RANBP17: variants seen among roughly 807,000 people sequenced by gnomAD.
RANBP17 encodes the protein RAN binding protein 17.
RANBP17 carries 158 observed loss-of-function variants against 141.2 expected under a neutral mutation model. The ratio of observed to expected loss-of-function variants is 1.12; its 90% CI spans 0.98 to 1.28. The LOEUF (loss-of-function observed/expected upper bound fraction) is 1.28, where lower values mean the gene tolerates loss of function less well. Ranked by LOEUF, RANBP17 falls within the 50% of genes most tolerant of loss-of-function variation. RANBP17 has a pLI of 0.00. For synonymous variants in RANBP17, 430 were observed against 450.0 expected (o/e 0.96, Z 0.56); for missense variants, 1,438 against 1,290.7 (o/e 1.11, Z -1.75).
At chr5:171,276,616 A>G (rs1226489697) in intron 25 of RANBP17, among the ~76,000 whole-genome samples, 2 of 152,190 alleles carry the variant, frequency 1.3e-5, no homozygotes, top group Non-Finnish European at 2.9e-5. Context: ...TCTCTCTTTT[A>G]TCTACAGTTT....
At chr5:171,193,381 C>T (rs1011761348) in intron 18 of RANBP17, among the ~76,000 whole-genome samples, 2 of 151,282 alleles carry the variant, frequency 1.3e-5, no homozygotes, top group African/African-American at 4.9e-5. Context: ...CAGTGATTTG[C>T]ACTTTGTATG....
chr5:171,123,272 G>C (rs141188276), intron 14 of RANBP17, among the ~76,000 whole-genome samples: 1 of 152,228 alleles, frequency 6.6e-6, no homozygotes, highest in East Asian at 1.9e-4. Context: ...GTCATCCAGG[G>C]ACCCAAGGAC....
intron 16 of RANBP17, among the ~76,000 whole-genome samples, chr5:171,177,007 G>T (rs1287561679): frequency 6.6e-6 from 1 of 152,128 alleles, no homozygotes; most frequent in East Asian, 1.9e-4. Context: ...TTCTGCTTTT[G>T]TGAAACAGTA....
chr5:170,899,604 A>C (rs1292751458), intron 5 of RANBP17, among the ~76,000 whole-genome samples: 1 of 152,212 alleles, frequency 6.6e-6, no homozygotes, highest in Non-Finnish European at 1.5e-5. Context: ...GCCGGTTTTC[A>C]AAGGGAATGC....
chr5:171,201,580 G>A (rs1394261549), intron 19 of RANBP17, among the ~76,000 whole-genome samples: 1 of 152,210 alleles, frequency 6.6e-6, no homozygotes, highest in African/African-American at 2.4e-5. Context: ...ATTTATCAGG[G>A]AAATTGGATT....
At chr5:170,936,767 C>A (rs1332692146) in intron 12 of RANBP17, among the ~76,000 whole-genome samples, 1 of 151,970 alleles carries the variant, frequency 6.6e-6, no homozygotes, top group Non-Finnish European at 1.5e-5. Flanking sequence ...TTATTGATTT[C>A]TTTTGTCTGT....
At chr5:171,081,518 T>C (rs1387543004) in intron 14 of RANBP17, among the ~76,000 whole-genome samples, 2 of 152,178 alleles carry the variant, frequency 1.3e-5, no homozygotes, top group South Asian at 2.1e-4. Flanking sequence ...ATAATAATCT[T>C]GACTTTACAA....
At chr5:171,283,641 A>G (rs1767985922) in intron 25 of RANBP17, among the ~76,000 whole-genome samples, 1 of 152,256 alleles carries the variant, frequency 6.6e-6, no homozygotes, top group Non-Finnish European at 1.5e-5. Context: ...CCCCATATGA[A>G]AAATGAAAAC....
At chr5:171,235,879 C>T (rs1764511565) in intron 22 of RANBP17, among the ~76,000 whole-genome samples, 1 of 152,172 alleles carries the variant, frequency 6.6e-6, no homozygotes, top group Non-Finnish European at 1.5e-5. Context: ...CAGATGCAAG[C>T]CATTTCACCC....
intron 22 of RANBP17, among the ~76,000 whole-genome samples, chr5:171,237,118 T>G (rs184844054): frequency 1.5e-3 from 229 of 152,208 alleles, no homozygotes; most frequent in African/African-American, 5.4e-3. Context: ...GCAGGAGATG[T>G]GACATCTTCC....
At chr5:171,030,148 T>G (rs757467643) in intron 14 of RANBP17, among the ~76,000 whole-genome samples, 4 of 152,076 alleles carry the variant, frequency 2.6e-5, no homozygotes, top group Non-Finnish European at 5.9e-5. Flanking sequence ...TCCTCTGAAA[T>G]TTTTCCAACC....
intron 23 of RANBP17, among the ~76,000 whole-genome samples, chr5:171,241,993 CTTT>C (rs558135873): frequency 1.4e-5 from 2 of 142,790 alleles, no homozygotes. Flanking sequence ...CTCTTTTTTT[CTTT>C]TTTTTTTTTT....
In RANBP17 at chr5:171,211,001, C is replaced by CAAA. The variant is rs949233363; in HGVS notation, c.2232-2614_2232-2612dup. ...GCCTGGCAACAGAACAAGACCCCGT[C>CAAA]AAAAAAAAAAAAAAAAAAGGCTATA... is the stretch of plus-strand genomic sequence containing the variant. On this transcript the variant is annotated intron_variant, in intron 20 of 27. Coordinates refer to ENST00000523189, the MANE Select transcript of RANBP17 (RefSeq NM_022897.5). 3.1e-3 allele frequency among the ~76,000 whole-genome samples: 234 copies of CAAA among 75,370 alleles called. 9 individuals carry two copies. The South Asian group carries it at 0.056, about 18-fold the overall frequency. The allele number at this position is 75,370 out of a possible 152,430, so 49.4% of individuals were successfully genotyped here. A position where few individuals can be genotyped will look rare whatever the true frequency, so the allele number is the denominator to read the frequency against.
chr5:170,868,882 C>T (rs1229843531), intron 1 of RANBP17, among the ~76,000 whole-genome samples: 1 of 152,116 alleles, frequency 6.6e-6, no homozygotes, highest in Admixed American at 6.5e-5. Flanking sequence ...TAGTAACCAC[C>T]ATATTGTGGG....
chr5:171,064,241 C>A (rs1784136889), intron 14 of RANBP17, among the ~76,000 whole-genome samples: 1 of 152,224 alleles, frequency 6.6e-6, no homozygotes, highest in African/African-American at 2.4e-5. Context: ...GCAGAAATCA[C>A]CCGTCTTCTG....
In RANBP17 at chr5:170,907,520, G is replaced by C. The variant is rs555590248; in HGVS notation, c.490-2141G>C. 4.6e-5 allele frequency among the ~76,000 whole-genome samples: 7 copies of C among 151,994 alleles called. No homozygotes were observed. In the East Asian group the frequency reaches 1.2e-3, roughly 25 times the overall value. ...GATCTTAATAAGATTATATTAACTTGCACAGGACTTAGTGTGTAGAAAGTG... is the reference window on the plus strand; with the variant it reads ...GATCTTAATAAGATTATATTAACTTCCACAGGACTTAGTGTGTAGAAAGTG... On this transcript the variant is annotated intron_variant, in intron 5 of 27. Transcript: ENST00000523189.
intron 4 of RANBP17, among the ~76,000 whole-genome samples, chr5:170,894,180 C>T (rs761206075): frequency 3.3e-5 from 5 of 152,098 alleles, no homozygotes; most frequent in Non-Finnish European, 7.4e-5. Flanking sequence ...TTCAGAGTTG[C>T]ATTTGTAAGT....
intron 13 of RANBP17, among the ~76,000 whole-genome samples, chr5:170,963,949 A>G (rs1776332713): frequency 2.0e-5 from 3 of 152,334 alleles, no homozygotes; most frequent in Middle Eastern, 3.4e-3. Flanking sequence ...AAAATCAGGA[A>G]AGGATATGAG....
chr5:171,119,916 G>A (rs1397544807), intron 14 of RANBP17, among the ~76,000 whole-genome samples: 1 of 151,764 alleles, frequency 6.6e-6, no homozygotes, highest in Non-Finnish European at 1.5e-5. Context: ...ACACATGCCT[G>A]TAATCCCAGC....
Sources: allele counts gnomAD v4.1 joint callset (sites outside exome capture counted in the v4.1 genomes callset), GRCh38; gene constraint gnomAD v4.1.1; transcripts MANE v1.5; gene names NCBI Gene and HGNC (gene_info 2026-07-23, HGNC 2026-07-21).